The following UGT1A8 variants were observed in gnomAD, a reference collection of about 807,000 sequenced individuals.
The protein encoded by UGT1A8 is UDP-glucuronosyltransferase 1A8.
UGT1A8 carries 39 observed loss-of-function variants against 45.3 expected under a neutral mutation model. The observed-to-expected ratio is 0.86, with a 90% CI of 0.67 to 1.12. The LOEUF is 1.12. Ranked by LOEUF, UGT1A8 falls within the 50% of genes most tolerant of loss-of-function variation. UGT1A8 has a pLI of 0.00. For synonymous variants in UGT1A8, 275 were observed against 249.2 expected (o/e 1.10, Z -0.97); for missense variants, 719 against 664.9 (o/e 1.08, Z -0.90).
intron 1 of UGT1A8, among the ~76,000 whole-genome samples, chr2:233,684,765 T>C (rs2074699581): frequency 6.6e-6 from 1 of 152,152 alleles, no homozygotes; most frequent in Admixed American, 6.5e-5. Context: ...ATTCAGATCA[T>C]AAAGAGTGCC....
chr2:233,742,026 T>C (rs1691848344), intron 1 of UGT1A8: 1 of 151,940 alleles, frequency 6.6e-6, no homozygotes, highest in South Asian at 2.1e-4. Flanking sequence ...CCTAATTTGA[T>C]ATGTCCCAAG....
At chr2:233,714,333 C>G (rs2076379859) in intron 1 of UGT1A8, among the ~76,000 whole-genome samples, 2 of 152,268 alleles carry the variant, frequency 1.3e-5, no homozygotes. Flanking sequence ...GAGACCTAAG[C>G]ACTCAGAGGA....
intron 1 of UGT1A8, among the ~76,000 whole-genome samples, chr2:233,730,769 G>A (rs1017824034): frequency 2.0e-5 from 3 of 152,108 alleles, no homozygotes; most frequent in Non-Finnish European, 4.4e-5. Context: ...GAATCTATAA[G>A]CCCAGTGAAG....
chr2:233,649,767 G>T (rs1226134774), intron 1 of UGT1A8, among the ~76,000 whole-genome samples: 1 of 152,142 alleles, frequency 6.6e-6, no homozygotes, highest in African/African-American at 2.4e-5. Flanking sequence ...TGACCCTGAA[G>T]AAAGTATAAA....
intron 1 of UGT1A8, among the ~76,000 whole-genome samples, chr2:233,650,105 G>A (rs1168261595): frequency 6.6e-6 from 1 of 152,022 alleles, no homozygotes; most frequent in Non-Finnish European, 1.5e-5. Context: ...TGAGTAGCTG[G>A]GATTATAGGC....
chr2:233,724,372 T>A (rs2077243468), intron 1 of UGT1A8, among the ~76,000 whole-genome samples: 1 of 143,294 alleles, frequency 7.0e-6, no homozygotes, highest in Admixed American at 6.9e-5. Context: ...ACGGGGTGGC[T>A]GCCGGGCGGA....
rs2073641319 is a variant in UGT1A8, at chr2:233,647,808, T to A, written c.855+29246T>A. The A allele has an allele frequency of 7.7e-6, 6 of 778,492 alleles. No homozygotes were observed. In the South Asian group the frequency reaches 1.1e-4, roughly 14 times the overall value. The allele number at this position is 778,492 out of a possible 1,614,324, so 48.2% of individuals were successfully genotyped here. On this transcript the variant is annotated intron_variant, in intron 1 of 4. Transcript: ENST00000373450. ...TCAGTCTGGGTAGAGATTTATCAAGTTAATTGATTTGCCCCAAAAGCTAGC... is the reference window on the plus strand; with the variant it reads ...TCAGTCTGGGTAGAGATTTATCAAGATAATTGATTTGCCCCAAAAGCTAGC...
chr2:233,745,781 C>A (rs1693207389), intron 1 of UGT1A8, among the ~76,000 whole-genome samples: 1 of 150,162 alleles, frequency 6.7e-6, no homozygotes, highest in Non-Finnish European at 1.5e-5. Flanking sequence ...TGAGCTTAGA[C>A]AGGGGGGCTG....
chr2:233,668,691 A>G (rs1184030117), intron 1 of UGT1A8, among the ~76,000 whole-genome samples: 2 of 152,296 alleles, frequency 1.3e-5, no homozygotes, highest in Non-Finnish European at 1.5e-5. Flanking sequence ...AAGCGTTCCT[A>G]TTTCTCCACA....
rs1385848693 is a variant in UGT1A8 at position 233,725,062 on chromosome 2, C to G, written c.856-41972C>G. On this transcript the variant is annotated intron_variant, in intron 1 of 4. Transcript: ENST00000373450. ...ACCAGTCAGGCGTGGCGGCGCGCGC[C>G]TGCAATCGCAGGCACTCGGCAGGCT... 1.4e-5 allele frequency among the ~76,000 whole-genome samples: 2 copies of G among 147,098 alleles called. 1 individual carries two copies. Among genetic ancestry groups the G allele is most frequent in the East Asian group, 4.2e-4 (2 of 4,760 alleles).
intron 1 of UGT1A8, among the ~76,000 whole-genome samples, chr2:233,661,324 T>G (rs2125488504): frequency 6.6e-6 from 1 of 152,256 alleles, no homozygotes; most frequent in Non-Finnish European, 1.5e-5. Context: ...CACACCATGG[T>G]GCTGTCATTA....
intron 1 of UGT1A8, among the ~76,000 whole-genome samples, chr2:233,763,104 C>A (rs548930615): frequency 6.6e-6 from 1 of 152,314 alleles, no homozygotes; most frequent in East Asian, 1.9e-4. Flanking sequence ...AGGCACCGAA[C>A]TTTATCAGCT....
chr2:233,759,375 T>C (rs1697120269), intron 1 of UGT1A8, among the ~76,000 whole-genome samples: 2 of 152,058 alleles, frequency 1.3e-5, no homozygotes, highest in Admixed American at 1.3e-4. Flanking sequence ...AGGTACAGGT[T>C]TTCAGGATAC....
chr2:233,660,800 A>G (rs900785806), intron 1 of UGT1A8, among the ~76,000 whole-genome samples: 4 of 152,062 alleles, frequency 2.6e-5, no homozygotes, highest in African/African-American at 7.2e-5. Flanking sequence ...TCAGGCAGAT[A>G]TTCATTCTCC....
intron 1 of UGT1A8, among the ~76,000 whole-genome samples, chr2:233,747,054 T>C (rs1171712187): frequency 6.6e-6 from 1 of 151,960 alleles, no homozygotes; most frequent in Non-Finnish European, 1.5e-5. Flanking sequence ...AAGACAATGA[T>C]TGGTTAATCG....
intron 1 of UGT1A8, among the ~76,000 whole-genome samples, chr2:233,642,887 A>ACTCT (rs143675434): frequency 4.9e-5 from 7 of 142,742 alleles, no homozygotes; most frequent in African/African-American, 1.0e-4. Flanking sequence ...TCTCTCTCTC[A>ACTCT]CTCTCTCTCT....
intron 1 of UGT1A8, chr2:233,755,145 G>A (rs1233085476): frequency 2.3e-6 from 3 of 1,302,660 alleles, no homozygotes; most frequent in South Asian, 1.2e-5. Flanking sequence ...TCTTCTCACC[G>A]CTTCCTCCCT....
chr2:233,767,224 C>G (rs1699341321), intron 2 of UGT1A8, 59 bp downstream of exon 2: 2 of 1,610,498 alleles, frequency 1.2e-6, no homozygotes, highest in Non-Finnish European at 1.7e-6. Context: ...TAATCCCAGA[C>G]TTCCAGCTTC....
intron 1 of UGT1A8, among the ~76,000 whole-genome samples, chr2:233,675,275 G>A (rs902113953): frequency 2.6e-5 from 4 of 152,122 alleles, no homozygotes; most frequent in African/African-American, 2.4e-5. Context: ...ATTCCGTGTG[G>A]TCATTCTTTT....
Sources: allele counts gnomAD v4.1 joint callset (sites outside exome capture counted in the v4.1 genomes callset), GRCh38; gene constraint gnomAD v4.1.1; transcripts MANE v1.5; gene names NCBI Gene and HGNC (gene_info 2026-07-23, HGNC 2026-07-21).